FER1L6: variants seen among roughly 807,000 people sequenced by gnomAD.
The protein encoded by FER1L6 is fer-1 like family member 6, also known as fer-1-like protein 6.
Under a neutral mutation model 219.2 loss-of-function variants are expected in FER1L6, and 177 were observed. The observed-to-expected ratio is 0.81, with a 90% CI of 0.71 to 0.91. The LOEUF (loss-of-function observed/expected upper bound fraction) is 0.91, where lower values mean the gene tolerates loss of function less well. Ranked by LOEUF, FER1L6 falls within the 40% of genes least tolerant of loss-of-function variation. The pLI is 0.00. For synonymous variants in FER1L6, 768 were observed against 824.3 expected (o/e 0.93, Z 1.17); for missense variants, 2,153 against 2,259.9 (o/e 0.95, Z 0.96).
At chr8:123,939,803 AC>A (rs1233192805) in intron 1 of FER1L6, among the ~76,000 whole-genome samples, 1 of 152,004 alleles carries the variant, frequency 6.6e-6, no homozygotes, top group African/African-American at 2.4e-5. Flanking sequence ...TTTCATGACC[AC>A]CCCTGTTTCC....
At position 124,070,483 on chromosome 8, in the gene FER1L6, T is replaced by C; in HGVS notation, c.3851T>C (p.Leu1284Pro). The change falls in exon 30 of 41, where the codon CTC (leucine) becomes CCC (proline). Residue 1284 changes from leucine to proline, a missense_variant. Leu to Pro is a moderately conservative substitution (Grantham distance 98). Coordinates refer to ENST00000522917, the MANE Select transcript of FER1L6 (RefSeq NM_001039112.2). ...LAILQIYDGDLESEFNNFEDW... is the reference protein window; with the variant it reads ...LAILQIYDGDPESEFNNFEDW... Reference sequence around the variant, plus strand: ...TCCCTAAAGATATATGACGGTGATCTCGAGAGTGAATTCAACAATTTTGAA... The same window carrying C: ...TCCCTAAAGATATATGACGGTGATCCCGAGAGTGAATTCAACAATTTTGAA... The C allele has an allele frequency of 6.2e-7, 1 of 1,613,790 alleles. No homozygotes were observed. The highest frequency in any genetic ancestry group is 8.5e-7 in the Non-Finnish European group (1 of 1,179,814).
At chr8:123,936,491 A>T (rs1814015458) in intron 1 of FER1L6, among the ~76,000 whole-genome samples, 1 of 101,774 alleles carries the variant, frequency 9.8e-6, no homozygotes. Context: ...TTTTTTGTAA[A>T]CAGTGCTGAA....
At chr8:124,070,792 T>A (rs1473142683) in intron 30 of FER1L6, among the ~76,000 whole-genome samples, 194 bp downstream of exon 30, 2 of 152,144 alleles carry the variant, frequency 1.3e-5, no homozygotes, top group Admixed American at 6.5e-5. Flanking sequence ...GACCAGTGGA[T>A]TGGAGCTCAG....
In FER1L6 at chr8:123,995,977, G is replaced by A. The variant is rs145454397; in HGVS notation, c.1520-7190G>A. Among the ~76,000 whole-genome samples the A allele has an allele frequency of 1.9e-3, 293 of 151,904 alleles. 1 individual carries two copies. The highest frequency in any genetic ancestry group is 0.01 in the Middle Eastern group (3 of 294). On this transcript the variant is annotated intron_variant, in intron 12 of 40. Transcript: ENST00000522917. Reference sequence around the variant, plus strand: ...GCTCATATAATTTCCAAAATTTCTCGCGTTACTGATTTCTAGTCTTATTCT... The same window carrying A: ...GCTCATATAATTTCCAAAATTTCTCACGTTACTGATTTCTAGTCTTATTCT...
intron 1 of FER1L6, among the ~76,000 whole-genome samples, chr8:123,910,608 T>G (rs1813034011): frequency 6.6e-6 from 1 of 152,148 alleles, no homozygotes; most frequent in African/African-American, 2.4e-5. Context: ...AAAACCTAAC[T>G]GAAACATTGC....
chr8:124,098,625 A>C (rs1043695933), intron 37 of FER1L6, among the ~76,000 whole-genome samples: 12 of 152,212 alleles, frequency 7.9e-5, no homozygotes, highest in Admixed American at 7.9e-4. Context: ...AGCATGACAC[A>C]AAATGAATAA....
intron 31 of FER1L6, among the ~76,000 whole-genome samples, chr8:124,075,197 G>A (rs1211850893): frequency 1.3e-5 from 2 of 152,128 alleles, no homozygotes; most frequent in African/African-American, 4.8e-5. Flanking sequence ...TTTTGACGCT[G>A]GTCAAAACAA....
intron 1 of FER1L6, among the ~76,000 whole-genome samples, chr8:123,911,183 A>T (rs1186904797): frequency 6.6e-6 from 1 of 152,212 alleles, no homozygotes; most frequent in Non-Finnish European, 1.5e-5. Flanking sequence ...CAAGACAAAA[A>T]AATGGAAAAG....
chr8:124,059,181 A>G (rs893922686), intron 22 of FER1L6, among the ~76,000 whole-genome samples: 7 of 152,206 alleles, frequency 4.6e-5, no homozygotes, highest in Non-Finnish European at 8.8e-5. Context: ...GCAGACAAAC[A>G]GCCCCAGTAA....
At chr8:124,084,134 T>C (rs1821691751) in intron 33 of FER1L6, among the ~76,000 whole-genome samples, 1 of 152,086 alleles carries the variant, frequency 6.6e-6, no homozygotes. Flanking sequence ...CTTTACTGAA[T>C]TTATCAGTTC....
intron 10 of FER1L6, 117 bp downstream of exon 10, chr8:123,977,726 GT>G: frequency 1.1e-6 from 1 of 875,226 alleles, no homozygotes; most frequent in South Asian, 1.8e-5. Context: ...CCAGATACCA[GT>G]TTTATGGAAG....
Position 124,076,400 on chromosome 8 carries a change from G to A in FER1L6, c.4220+75G>A, listed in dbSNP as rs73703927. 7.9e-3 allele frequency: 10,716 copies of A among 1,351,468 alleles called. 569 individuals carry two copies. The African/African-American group carries it at 0.12, about 16-fold the overall frequency. 83.7% of individuals were successfully genotyped at this position (1,351,468 alleles called of 1,614,324 possible). A position where few individuals can be genotyped will look rare whatever the true frequency, so the allele number is the denominator to read the frequency against. ...TGCTGTGTTTCTGTGGGGATAGTGC[G>A]TGTATGTTTGTGTTCCTGGGTGAAA... On this transcript the variant is annotated intron_variant, in intron 32 of 40. Coordinates refer to ENST00000522917, the MANE Select transcript of FER1L6 (RefSeq NM_001039112.2).
rs1329669608 is a variant in FER1L6, at chr8:124,066,513, G to A, written c.3641G>A (p.Trp1214Ter). 9.3e-6 allele frequency: 15 copies of A among 1,613,948 alleles called. No homozygotes were observed. Among genetic ancestry groups the A allele is most frequent in the Non-Finnish European group, 1.3e-5 (15 of 1,179,972 alleles). ...DESAENVIDW[W>*]SKYYASLKKA... is the part of the protein sequence containing the mutation. ...TCTGCTGAAAACGTGATTGACTGGT[G>A]GTCTAAGTATTATGCCTCCCTGAAG... Residue 1214 changes from tryptophan (W) to a stop codon, truncating the protein, a stop_gained, in exon 27 of 41, where the codon TGG becomes TAG. Transcript: ENST00000522917. LOFTEE classifies it high-confidence loss of function.
intron 13 of FER1L6, among the ~76,000 whole-genome samples, chr8:124,004,734 C>A (rs960168807): frequency 1.3e-5 from 2 of 152,158 alleles, no homozygotes; most frequent in Non-Finnish European, 2.9e-5. Flanking sequence ...CGAGGTGGCT[C>A]ATGCGTGTAA....
intron 35 of FER1L6, 74 bp from the exon 36 acceptor site, chr8:124,097,197 A>G: frequency 2.7e-6 from 3 of 1,092,860 alleles, no homozygotes; most frequent in Non-Finnish European, 2.8e-6. Flanking sequence ...ATCTTATAAA[A>G]CCATGAATTA....
In FER1L6 at chr8:123,980,770, T is replaced by C; in HGVS notation, c.1369T>C (p.Ser457Pro). The C allele has an allele frequency of 1.9e-6, 3 of 1,614,010 alleles. No individual in the cohort carries two copies. The highest frequency in any genetic ancestry group is 1.7e-5 in the Admixed American group (1 of 59,992). ...CCAACAGGCTTCAAACAAAACTAACTCAACCGAGGTGGAGGTGGAATCGTT... is the reference window on the plus strand; with the variant it reads ...CCAACAGGCTTCAAACAAAACTAACCCAACCGAGGTGGAGGTGGAATCGTT... The part of the protein sequence containing the change: ...KSQQASNKTN[S>P]TEVEVESFDV... The change falls in exon 11 of 41, where the codon TCA becomes CCA. Residue 457 changes from serine to proline, a missense_variant. Physicochemically the swap from Ser to Pro is moderately conservative, Grantham distance 74. Transcript: ENST00000522917.
chr8:124,097,160 C>T (rs2130967975), intron 35 of FER1L6, 111 bp from the exon 36 acceptor site: 1 of 679,254 alleles, frequency 1.5e-6, no homozygotes, highest in African/African-American at 1.8e-5. Flanking sequence ...TACCAAGCTA[C>T]ACTTAACACC....
chr8:123,957,229 T>C (rs1815062676), intron 2 of FER1L6, among the ~76,000 whole-genome samples: 1 of 152,228 alleles, frequency 6.6e-6, no homozygotes, highest in Non-Finnish European at 1.5e-5. Context: ...TAGAAAAGTA[T>C]GGAAACTCAT....
intron 39 of FER1L6, among the ~76,000 whole-genome samples, chr8:124,108,657 T>A (rs989226832): frequency 6.6e-6 from 1 of 151,996 alleles, no homozygotes; most frequent in Non-Finnish European, 1.5e-5. Flanking sequence ...TAGACGGACA[T>A]CTTGAGCCCC....
Sources: gnomAD v4.1 joint callset for allele counts (sites outside exome capture counted in the v4.1 genomes callset) on GRCh38, gnomAD v4.1.1 for gene constraint, MANE v1.5 for transcripts, NCBI Gene and HGNC (gene_info 2026-07-23, HGNC 2026-07-21) for gene names.